Variants in INO80 observed in about 807,000 individuals in gnomAD.
INO80 encodes the protein chromatin-remodeling ATPase INO80.
INO80 carries 20 observed loss-of-function variants against 203.4 expected under a neutral mutation model. That is an observed-to-expected ratio of 0.10 (90% CI 0.07 to 0.14). The LOEUF is 0.14. Among genes scored for constraint, INO80 ranks in the 10% least tolerant of loss-of-function variants. INO80 has a pLI of 1.00. For synonymous variants in INO80, 726 were observed against 685.2 expected (o/e 1.06, Z -0.93); for missense variants, 1,419 against 1,914.4 (o/e 0.74, Z 4.83).
intron 24 of INO80, among the ~76,000 whole-genome samples, chr15:41,041,947 G>A (rs1187889380): frequency 6.7e-6 from 1 of 149,554 alleles, no homozygotes; most frequent in Non-Finnish European, 1.5e-5. Context: ...GGATTCTCCT[G>A]CCTCAGACTA....
intron 28 of INO80, 60 bp from the exon 29 acceptor site, chr15:40,997,661 A>G (rs2043897258): frequency 9.2e-7 from 1 of 1,091,540 alleles, no homozygotes; most frequent in African/African-American, 1.5e-5. Context: ...GGCATGTATC[A>G]ATAGAGAGAG....
intron 29 of INO80, among the ~76,000 whole-genome samples, chr15:40,994,397 T>G (rs548731415): frequency 6.6e-6 from 1 of 152,308 alleles, no homozygotes; most frequent in South Asian, 2.1e-4. Context: ...GGAGTCTCAC[T>G]GTGTCACCCA....
chr15:40,988,045 A>G (rs2043763257), intron 29 of INO80, 71 bp from the exon 30 acceptor site: 10 of 1,378,454 alleles, frequency 7.3e-6, no homozygotes, highest in East Asian at 2.3e-5. Flanking sequence ...AACCCAGCCA[A>G]TTGTCTGTTT....
intron 19 of INO80, among the ~76,000 whole-genome samples, chr15:41,052,235 T>C (rs1185476206): frequency 6.6e-6 from 1 of 152,164 alleles, no homozygotes; most frequent in African/African-American, 2.4e-5. Context: ...ATGTTTTCCT[T>C]CTCTCAGTTG....
intron 7 of INO80, among the ~76,000 whole-genome samples, chr15:41,083,170 A>G (rs1019486879): frequency 6.6e-6 from 1 of 151,394 alleles, no homozygotes; most frequent in East Asian, 2.0e-4. Context: ...CTGTAGTCCC[A>G]GCTACTCCGG....
At chr15:41,058,209 T>C (rs1360377086) in intron 16 of INO80, among the ~76,000 whole-genome samples, 1 of 152,194 alleles carries the variant, frequency 6.6e-6, no homozygotes, top group Non-Finnish European at 1.5e-5. Flanking sequence ...AGAGATGACC[T>C]GTAAAAATGT....
rs141707556 is a variant in INO80, at chr15:40,983,044, C to T, written c.4271G>A (p.Arg1424His). The part of the protein sequence containing the change: ...ISIQEMPAAG[R>H]GHSARSRGRP... ...GCCTCGGCTTCGGGCTGAGTGACCA[C>T]GTCCTGCAGCTGGCATTTCCTGAAT... is the stretch of plus-strand genomic sequence containing the variant. Residue 1424 changes from arginine (R) to histidine (H), a missense_variant, in exon 35 of 36, where the codon CGT becomes CAT. Arg to His is a conservative substitution (Grantham distance 29). Transcript: ENST00000648947. The T allele has an allele frequency of 1.5e-5, 25 of 1,613,692 alleles. No homozygotes were observed. The highest frequency in any genetic ancestry group is 6.7e-5 in the East Asian group (3 of 44,866).
intron 7 of INO80, among the ~76,000 whole-genome samples, chr15:41,084,655 G>C (rs886759634): frequency 6.6e-6 from 1 of 152,126 alleles, no homozygotes; most frequent in Non-Finnish European, 1.5e-5. Flanking sequence ...TTATTCTAGT[G>C]CCTGTGATTA....
intron 14 of INO80, among the ~76,000 whole-genome samples, chr15:41,062,936 G>C (rs993054442): frequency 6.6e-6 from 1 of 152,168 alleles, no homozygotes; most frequent in Non-Finnish European, 1.5e-5. Context: ...GAGAGGGAGG[G>C]AGAGCAGTAA....
At chr15:41,043,338 A>T (rs139108852) in intron 24 of INO80, among the ~76,000 whole-genome samples, 45 of 152,326 alleles carry the variant, frequency 3.0e-4, no homozygotes, top group African/African-American at 1.0e-3. Flanking sequence ...TTTACAGAAG[A>T]TTAAGCAACT....
intron 16 of INO80, among the ~76,000 whole-genome samples, chr15:41,057,797 CAAAAAAAAAA>C (rs35197370): frequency 1.0e-4 from 3 of 29,338 alleles, no homozygotes; most frequent in South Asian, 1.4e-3. Context: ...AACTACATCT[CAAAAAAAAAA>C]AAAAAAAAAA....
intron 11 of INO80, 150 bp downstream of exon 11, chr15:41,073,278 C>T (rs371934784): frequency 1.5e-4 from 98 of 651,342 alleles, no homozygotes; most frequent in East Asian, 9.2e-4. Context: ...AGCTCCACCC[C>T]CTACACACAG....
chr15:41,021,670 A>T (rs1054885370), intron 25 of INO80, among the ~76,000 whole-genome samples: 2 of 152,238 alleles, frequency 1.3e-5, no homozygotes, highest in African/African-American at 4.8e-5. Flanking sequence ...ATGGAAGAGA[A>T]ACTTTCTTTC....
chr15:41,083,207 C>T (rs1941697948), intron 7 of INO80, among the ~76,000 whole-genome samples: 2 of 149,786 alleles, frequency 1.3e-5, no homozygotes, highest in South Asian at 2.1e-4. Flanking sequence ...ATGGCGTGAA[C>T]CCGGGAGGCG....
At chr15:41,066,184 G>C (rs896475539) in intron 14 of INO80, among the ~76,000 whole-genome samples, 11 of 151,806 alleles carry the variant, frequency 7.2e-5, no homozygotes, top group South Asian at 4.2e-4. Context: ...CTCCACATTG[G>C]TTAGGCTGGT....
At chr15:41,035,854 C>G in intron 24 of INO80, among the ~76,000 whole-genome samples, 1 of 128,232 alleles carries the variant, frequency 7.8e-6, no homozygotes, top group Non-Finnish European at 1.6e-5. Flanking sequence ...AAAAGTCTGG[C>G]GCCTTGGCTT....
In INO80 at chr15:41,013,982, T is replaced by C. The variant is rs144350995; in HGVS notation, c.3402+2106A>G. Among the ~76,000 whole-genome samples, 483 of 152,328 alleles carry C rather than the reference T, an allele frequency of 3.2e-3. 13 individuals are homozygous for C. Among genetic ancestry groups the C allele is most frequent in the Admixed American group, 0.027 (417 of 15,296 alleles). ...TAACCCAAAAATAACTGTTGGATTA[T>C]AGATAGAGAGGAAGTGATCCTGGTG... On this transcript the variant is annotated intron_variant, in intron 27 of 35. Coordinates refer to ENST00000648947, the MANE Select transcript of INO80 (RefSeq NM_017553.3).
At chr15:41,016,416 G>A (rs2044211571) in intron 26 of INO80, among the ~76,000 whole-genome samples, 1 of 152,194 alleles carries the variant, frequency 6.6e-6, no homozygotes, top group African/African-American at 2.4e-5. Flanking sequence ...CATCCCCAAA[G>A]GGGGAAGTGC....
chr15:41,005,280 A>G (rs1000445063), intron 28 of INO80: 1 of 222,442 alleles, frequency 4.5e-6, no homozygotes, highest in African/African-American at 2.3e-5. Flanking sequence ...CTACATACCT[A>G]TTATCCATTG....
Sources: allele counts gnomAD v4.1 joint callset (sites outside exome capture counted in the v4.1 genomes callset), GRCh38; gene constraint gnomAD v4.1.1; transcripts MANE v1.5; gene names NCBI Gene and HGNC (gene_info 2026-07-23, HGNC 2026-07-21).